The following WWP2 variants were observed in gnomAD, a reference collection of about 807,000 sequenced individuals.
WWP2 encodes NEDD4-like E3 ubiquitin-protein ligase WWP2.
WWP2 carries 57 observed loss-of-function variants against 121.0 expected under a neutral mutation model. The observed-to-expected ratio is 0.47, with a 90% confidence interval of 0.38 to 0.59. The LOEUF is 0.59. WWP2 is among the 20% of genes least tolerant of loss of function. The probability of loss-of-function intolerance (pLI) is 0.00; values close to 1 mark genes in which losing one functional copy is unlikely to be tolerated. For synonymous variants in WWP2, 449 were observed against 441.3 expected (o/e 1.02, Z -0.22); for missense variants, 962 against 1,158.9 (o/e 0.83, Z 2.47).
chr16:69,880,437 A>ATCGT (rs1489227578), intron 7 of WWP2, among the ~76,000 whole-genome samples: 1 of 151,944 alleles, frequency 6.6e-6, no homozygotes, highest in Non-Finnish European at 1.5e-5. Flanking sequence ...ATATTCTTTG[A>ATCGT]TCGTTCATAC....
intron 4 of WWP2, among the ~76,000 whole-genome samples, chr16:69,825,314 C>T (rs1296986382): frequency 1.3e-5 from 2 of 151,650 alleles, no homozygotes; most frequent in African/African-American, 2.4e-5. Flanking sequence ...GTCCCAGCTA[C>T]TCAGGAGGCT....
At chr16:69,869,586 C>T (rs139666354) in intron 6 of WWP2, among the ~76,000 whole-genome samples, 234 of 151,968 alleles carry the variant, frequency 1.5e-3, no homozygotes, top group African/African-American at 5.4e-3. Flanking sequence ...GCTCAAGTGC[C>T]GTCCCATCTC....
intron 10 of WWP2, among the ~76,000 whole-genome samples, chr16:69,919,852 G>A (rs1317573773): frequency 6.6e-6 from 1 of 150,604 alleles, no homozygotes; most frequent in Non-Finnish European, 1.5e-5. Flanking sequence ...GAGTGCAGTG[G>A]CATGATCATG....
intron 4 of WWP2, among the ~76,000 whole-genome samples, chr16:69,813,143 T>C (rs528329811): frequency 2.0e-4 from 30 of 152,198 alleles, no homozygotes; most frequent in African/African-American, 7.0e-4. Flanking sequence ...CCATGGGTTA[T>C]AACTTATTTC....
At chr16:69,789,505 G>A (rs941424143) in intron 2 of WWP2, among the ~76,000 whole-genome samples, 12 of 152,118 alleles carry the variant, frequency 7.9e-5, no homozygotes, top group Admixed American at 7.9e-4. Flanking sequence ...TGGGATTACG[G>A]GCGTGAGCCA....
At chr16:69,844,344 T>C (rs935381128) in intron 6 of WWP2, among the ~76,000 whole-genome samples, 3 of 152,174 alleles carry the variant, frequency 2.0e-5, no homozygotes, top group African/African-American at 7.2e-5. Flanking sequence ...AGCATTTCAC[T>C]CTTTTAGAGA....
intron 10 of WWP2, among the ~76,000 whole-genome samples, chr16:69,919,857 A>G (rs1388920259): frequency 6.8e-6 from 1 of 147,188 alleles, no homozygotes; most frequent in East Asian, 2.0e-4. Context: ...CAGTGGCATG[A>G]TCATGGCTTA....
chr16:69,771,952 C>CT (rs56376857), intron 1 of WWP2, among the ~76,000 whole-genome samples: 8,602 of 55,882 alleles, frequency 0.15, 2,072 homozygotes, highest in Non-Finnish European at 0.23. Context: ...TCTTTTTAGT[C>CT]TTTTTTTTTT....
intron 2 of WWP2, among the ~76,000 whole-genome samples, chr16:69,798,291 C>G (rs369726866): frequency 6.6e-6 from 1 of 152,054 alleles, no homozygotes; most frequent in African/African-American, 2.4e-5. Context: ...GCAGTCTATT[C>G]GACAATGAAA....
At chr16:69,791,135 C>T (rs1377767771) in intron 2 of WWP2, among the ~76,000 whole-genome samples, 1 of 152,136 alleles carries the variant, frequency 6.6e-6, no homozygotes, top group Non-Finnish European at 1.5e-5. Flanking sequence ...TAGGTCAAAG[C>T]AGAAGTTGGC....
chr16:69,856,386 C>A (rs778144870), intron 6 of WWP2, among the ~76,000 whole-genome samples: 2 of 152,104 alleles, frequency 1.3e-5, no homozygotes, highest in Non-Finnish European at 2.9e-5. Flanking sequence ...ATGGTAACAC[C>A]ACTATAAACA....
intron 6 of WWP2, among the ~76,000 whole-genome samples, chr16:69,856,831 G>T (rs1030172133): frequency 6.6e-6 from 1 of 151,964 alleles, no homozygotes; most frequent in Middle Eastern, 3.4e-3. Flanking sequence ...TTGGTGTGAC[G>T]TTAACCTAAC....
chr16:69,865,933 T>C (rs1169680658), intron 6 of WWP2, among the ~76,000 whole-genome samples: 3 of 152,074 alleles, frequency 2.0e-5, no homozygotes, highest in African/African-American at 4.8e-5. Flanking sequence ...CGTGAGGCCA[T>C]TGGTTGAAAT....
chr16:69,878,281 G>C (rs1468344947), intron 7 of WWP2, among the ~76,000 whole-genome samples: 2 of 152,150 alleles, frequency 1.3e-5, no homozygotes, highest in African/African-American at 2.4e-5. Context: ...GTGACACAGA[G>C]ACATGAAGTG....
intron 6 of WWP2, among the ~76,000 whole-genome samples, chr16:69,848,637 TAAAA>T (rs529487746): frequency 1.2e-5 from 1 of 81,910 alleles, no homozygotes; most frequent in Admixed American, 1.6e-4. Context: ...ATGCTGTTGC[TAAAA>T]AAAAAAAAAA....
chr16:69,812,654 A>G (rs1392546908), intron 4 of WWP2, among the ~76,000 whole-genome samples: 1 of 151,824 alleles, frequency 6.6e-6, no homozygotes, highest in Non-Finnish European at 1.5e-5. Context: ...TTTAAAAATT[A>G]TTTGGCAGAT....
chr16:69,869,587 G>A lies in WWP2; in HGVS notation c.576-2217G>A, dbSNP rs149770549. ...TCTCAAACTCTTGAGCTCAAGTGCCGTCCCATCTCAGCCTCCCAAAGCGTT... is the reference window on the plus strand; with the variant it reads ...TCTCAAACTCTTGAGCTCAAGTGCCATCCCATCTCAGCCTCCCAAAGCGTT... On this transcript the variant is annotated intron_variant, in intron 6 of 23. Transcript: ENST00000359154. 6.3e-3 allele frequency among the ~76,000 whole-genome samples: 949 copies of A among 151,766 alleles called. 10 individuals carry two copies. The highest frequency in any genetic ancestry group is 0.022 in the African/African-American group (892 of 41,334).
chr16:69,762,628 C>G (rs2038638831), intron 1 of WWP2, among the ~76,000 whole-genome samples: 1 of 151,932 alleles, frequency 6.6e-6, no homozygotes, highest in African/African-American at 2.4e-5. Flanking sequence ...GAAATGGGTG[C>G]CCCGGCCGCC....
At chr16:69,849,232 G>T (rs1567702339) in intron 6 of WWP2, among the ~76,000 whole-genome samples, 1 of 152,190 alleles carries the variant, frequency 6.6e-6, no homozygotes, top group Non-Finnish European at 1.5e-5. Context: ...AGGGAGGAGG[G>T]GTGGAGGGTG....
Sources: gnomAD v4.1 joint callset for allele counts (sites outside exome capture counted in the v4.1 genomes callset) on GRCh38, gnomAD v4.1.1 for gene constraint, MANE v1.5 for transcripts, NCBI Gene and HGNC (gene_info 2026-07-23, HGNC 2026-07-21) for gene names.